Variants in CPNE5 observed in about 807,000 individuals in gnomAD.
CPNE5 encodes copine 5.
CPNE5 carries 42 observed loss-of-function variants against 81.1 expected under a neutral mutation model. That is an observed-to-expected ratio of 0.52 (90% CI 0.40 to 0.67). The LOEUF is 0.67. Ranked by LOEUF, CPNE5 falls within the 30% of genes least tolerant of loss-of-function variation. The probability of loss-of-function intolerance (pLI) is 0.00; values close to 1 mark genes in which losing one functional copy is unlikely to be tolerated. For synonymous variants in CPNE5, 313 were observed against 321.5 expected (o/e 0.97, Z 0.28); for missense variants, 612 against 815.5 (o/e 0.75, Z 3.04).
intron 1 of CPNE5, among the ~76,000 whole-genome samples, chr6:36,834,419 G>A (rs1008038500): frequency 1.3e-5 from 2 of 152,042 alleles, no homozygotes; most frequent in African/African-American, 4.8e-5. Context: ...AATTTGGAAG[G>A]CCGAGGCAGG....
intron 11 of CPNE5, among the ~76,000 whole-genome samples, chr6:36,763,835 G>A (rs1486031920): frequency 2.0e-5 from 3 of 151,842 alleles, no homozygotes; most frequent in African/African-American, 7.3e-5. Flanking sequence ...CTTCTCTAAT[G>A]AGATTATTTT....
intron 3 of CPNE5, among the ~76,000 whole-genome samples, chr6:36,820,527 T>C (rs1234943984): frequency 2.0e-5 from 3 of 151,958 alleles, no homozygotes; most frequent in Non-Finnish European, 4.4e-5. Context: ...CCATTCATTT[T>C]TTAAGCAACC....
rs563872966 is a variant in CPNE5 at position 36,795,891 on chromosome 6, G to A, written c.405-1242C>T. Among the ~76,000 whole-genome samples the A allele has an allele frequency of 4.6e-5, 7 of 152,228 alleles. 1 individual carries two copies. The East Asian group carries it at 1.2e-3, about 25-fold the overall frequency. On this transcript the variant is annotated intron_variant, in intron 6 of 20. Coordinates refer to ENST00000244751, the MANE Select transcript of CPNE5 (RefSeq NM_020939.2). ...CTAAACTAAGATATGTGAAATCTTC[G>A]ATGGGGTAAAAGGTCCACCTCCTCC...
intron 1 of CPNE5, among the ~76,000 whole-genome samples, chr6:36,833,368 C>G (rs543045650): frequency 2.2e-4 from 33 of 152,346 alleles, no homozygotes; most frequent in Non-Finnish European, 4.4e-4. Flanking sequence ...GTGGCACACA[C>G]GTCTGTATAA....
intron 10 of CPNE5, among the ~76,000 whole-genome samples, chr6:36,770,218 A>G (rs922532442): frequency 1.3e-5 from 2 of 152,128 alleles, no homozygotes; most frequent in Non-Finnish European, 2.9e-5. Context: ...CACATAGCAA[A>G]GGCAGGGAGA....
intron 13 of CPNE5, 30 bp downstream of exon 13, chr6:36,756,215 C>T (rs1365242195): frequency 1.9e-6 from 3 of 1,605,890 alleles, no homozygotes; most frequent in South Asian, 1.1e-5. Flanking sequence ...ATGTCTACAC[C>T]CGGCTGCAGA....
At position 36,756,164 on chromosome 6, in the gene CPNE5, G is replaced by A. The variant is rs1384566792; in HGVS notation, c.909+81C>T. 3.2e-5 allele frequency: 32 copies of A among 1,001,582 alleles called. No individual in the cohort carries two copies. In the Admixed American group the frequency reaches 3.8e-4, roughly 12 times the overall value. 62.0% of individuals were successfully genotyped at this position (1,001,582 alleles called of 1,614,324 possible). A position where few individuals can be genotyped will look rare whatever the true frequency, so the allele number is the denominator to read the frequency against. On this transcript the variant is annotated intron_variant, in intron 13 of 20. Coordinates refer to ENST00000244751, the MANE Select transcript of CPNE5 (RefSeq NM_020939.2). ...GCTCAGCCCCTGCACACACACAGACGCACGGGCCTCCCTGATACCAGACCT... is the reference window on the plus strand; with the variant it reads ...GCTCAGCCCCTGCACACACACAGACACACGGGCCTCCCTGATACCAGACCT...
chr6:36,837,840 G>A (rs960908566), intron 1 of CPNE5, among the ~76,000 whole-genome samples: 2 of 152,074 alleles, frequency 1.3e-5, no homozygotes, highest in South Asian at 2.1e-4. Flanking sequence ...AGTGCCAGGC[G>A]CAGGGATGTG....
chr6:36,748,641 G>A (rs963808754), intron 14 of CPNE5, among the ~76,000 whole-genome samples: 8 of 152,092 alleles, frequency 5.3e-5, no homozygotes, highest in Non-Finnish European at 8.8e-5. Context: ...GATTCAGGAC[G>A]AAAACTCATT....
rs1763641115 is a variant in CPNE5, at chr6:36,742,349, G to A, written c.1701C>T (p.Pro567=). Reference sequence around the variant, plus strand: ...GCGAGTGGGTTGGTGCTGCGGGTGGGGGACGCGGGCGAATGCCCTGTGCCT... The same window carrying A: ...GCGAGTGGGTTGGTGCTGCGGGTGGAGGACGCGGGCGAATGCCCTGTGCCT... ...YMKAQGIRPR[P]PPAAPTHSPS... Residue 567 remains proline (P), a synonymous_variant, in exon 21 of 21, where the codon CCC becomes CCT. Coordinates refer to ENST00000244751, the MANE Select transcript of CPNE5 (RefSeq NM_020939.2). 2 of 1,613,000 alleles carry A rather than the reference G, an allele frequency of 1.2e-6. No individual in the cohort carries two copies. The highest frequency in any genetic ancestry group is 1.3e-5 in the African/African-American group (1 of 74,932).
chr6:36,792,590 C>A, intron 7 of CPNE5: 1 of 430,552 alleles, frequency 2.3e-6, no homozygotes. Context: ...TCGCTGGCAG[C>A]TTGCCCAGGC....
chr6:36,793,498 A>G (rs565217937), intron 7 of CPNE5, among the ~76,000 whole-genome samples: 1 of 151,934 alleles, frequency 6.6e-6, no homozygotes, highest in Non-Finnish European at 1.5e-5. Flanking sequence ...CCTCCGCCCC[A>G]TGTTTCTCCA....
chr6:36,827,754 C>T lies in CPNE5; in HGVS notation c.96-4656G>A, dbSNP rs936028612. 2.9e-5 allele frequency: 29 copies of T among 985,428 alleles called. No individual in the cohort carries two copies. The African/African-American group carries it at 3.0e-4, about 10-fold the overall frequency. The allele number at this position is 985,428 out of a possible 1,614,324, so 61.0% of individuals were successfully genotyped here. On this transcript the variant is annotated intron_variant, in intron 1 of 20. Coordinates refer to ENST00000244751, the MANE Select transcript of CPNE5 (RefSeq NM_020939.2). ...GCCTGGGGGAGGAAACCGGGTCTTC[C>T]GCCCTGACGAAGGGCCCGAGACACC...
At chr6:36,767,373 C>T (rs1223775934) in intron 10 of CPNE5, among the ~76,000 whole-genome samples, 3 of 152,176 alleles carry the variant, frequency 2.0e-5, no homozygotes, top group African/African-American at 7.2e-5. Context: ...ATGACCTCCA[C>T]CCCACTGTCA....
rs929052 is a variant in CPNE5, at chr6:36,746,917, C to T, written c.1019-340G>A. On this transcript the variant is annotated intron_variant, in intron 15 of 20. Coordinates refer to ENST00000244751, the MANE Select transcript of CPNE5 (RefSeq NM_020939.2). This position sits in a 1 kb window ranked among gnomAD's most constrained non-coding sequence, Gnocchi z 4.5. ...GATCATGCCTCTCCTCTGCCCAAAA[C>T]GCTCAATGCCTCCACCTCCCCCAAA... Among the ~76,000 whole-genome samples the T allele has an allele frequency of 0.16, 23,951 of 151,498 alleles. 1,937 individuals are homozygous for T. Among genetic ancestry groups the T allele is most frequent in the South Asian group, 0.23 (1,082 of 4,782 alleles).
chr6:36,799,269 C>T (rs1210577777), intron 4 of CPNE5, among the ~76,000 whole-genome samples: 1 of 152,170 alleles, frequency 6.6e-6, no homozygotes, highest in East Asian at 1.9e-4. Context: ...TGTTGACTCT[C>T]CTCAGCTTCA....
At chr6:36,783,163 A>G (rs931449794) in intron 8 of CPNE5, among the ~76,000 whole-genome samples, 9 of 152,098 alleles carry the variant, frequency 5.9e-5, no homozygotes, top group African/African-American at 2.2e-4. Context: ...TGGCAATATA[A>G]TATGGTTCTA....
intron 12 of CPNE5, among the ~76,000 whole-genome samples, chr6:36,762,447 C>T (rs781245684): frequency 6.6e-6 from 1 of 152,172 alleles, no homozygotes; most frequent in African/African-American, 2.4e-5. Context: ...CTCTCCAGCT[C>T]TGGGGCTAGA....
At chr6:36,777,083 A>G (rs1037381657) in intron 9 of CPNE5, among the ~76,000 whole-genome samples, 7 of 152,126 alleles carry the variant, frequency 4.6e-5, no homozygotes, top group South Asian at 2.1e-4. Flanking sequence ...CTTGCCCCCA[A>G]ATAAACTCCC....
Sources: allele counts gnomAD v4.1 joint callset (sites outside exome capture counted in the v4.1 genomes callset), GRCh38; gene constraint gnomAD v4.1.1; non-coding constraint Gnocchi (gnomAD v3.1); transcripts MANE v1.5; gene names NCBI Gene and HGNC (gene_info 2026-07-23, HGNC 2026-07-21).